The following DDX4 variants were observed in gnomAD, a reference collection of about 807,000 sequenced individuals.
DDX4 encodes DEAD-box helicase 4, also known as probable ATP-dependent RNA helicase DDX4.
DDX4 carries 25 observed loss-of-function variants against 100.0 expected under a neutral mutation model. The ratio of observed to expected loss-of-function variants is 0.25; its 90% CI spans 0.18 to 0.35. The LOEUF (loss-of-function observed/expected upper bound fraction) is 0.35, where lower values mean the gene tolerates loss of function less well. Ranked by LOEUF, DDX4 falls within the 10% of genes least tolerant of loss-of-function variation. The pLI is 1.00. For synonymous variants in DDX4, 259 were observed against 275.7 expected (o/e 0.94, Z 0.60); for missense variants, 635 against 882.4 (o/e 0.72, Z 3.55).
chr5:55,773,681 C>T (rs1443985294), intron 7 of DDX4, among the ~76,000 whole-genome samples: 1 of 151,942 alleles, frequency 6.6e-6, no homozygotes, highest in African/African-American at 2.4e-5. Context: ...CTGGAGGGCT[C>T]TGTCACAATT....
chr5:55,789,741 A>T (rs1387151681), intron 15 of DDX4, among the ~76,000 whole-genome samples: 13 of 152,150 alleles, frequency 8.5e-5, no homozygotes, highest in Non-Finnish European at 1.8e-4. Context: ...GAAACACGGG[A>T]TTCTTCTGAA....
chr5:55,791,489 A>G (rs1054036526), intron 16 of DDX4, among the ~76,000 whole-genome samples: 2 of 152,216 alleles, frequency 1.3e-5, no homozygotes, highest in Admixed American at 6.5e-5. Flanking sequence ...TGTTTATAGT[A>G]AAAGATGTTC....
At chr5:55,795,200 G>C (rs185635593) in intron 17 of DDX4, among the ~76,000 whole-genome samples, 13,847 of 152,054 alleles carry the variant, frequency 0.091, 919 homozygotes, top group African/African-American at 0.18. Flanking sequence ...CCTGACCTCA[G>C]CTGATCCGTC....
chr5:55,813,238 G>A (rs1231960395), intron 18 of DDX4, among the ~76,000 whole-genome samples: 2 of 152,108 alleles, frequency 1.3e-5, no homozygotes, highest in African/African-American at 4.8e-5. Context: ...GCAGCCCCAG[G>A]TCAGATGCCA....
At chr5:55,801,052 T>TA (rs1305225703) in intron 18 of DDX4, among the ~76,000 whole-genome samples, 2 of 152,072 alleles carry the variant, frequency 1.3e-5, no homozygotes, top group Non-Finnish European at 2.9e-5. Context: ...AAGGAACCAG[T>TA]AAGATGTTAC....
At chr5:55,742,235 G>A (rs770795667) in intron 2 of DDX4, 2 of 456,286 alleles carry the variant, frequency 4.4e-6, no homozygotes, top group South Asian at 3.1e-5. Flanking sequence ...TGGGGTGAGT[G>A]TTAGAATGGA....
intron 2 of DDX4, 122 bp from the exon 3 acceptor site, chr5:55,746,042 C>A: frequency 1.4e-6 from 1 of 717,490 alleles, no homozygotes; most frequent in Non-Finnish European, 2.3e-6. Context: ...GAAAACCTTA[C>A]AGTCTATCAT....
At chr5:55,788,934 G>C (rs1164504087) in intron 15 of DDX4, among the ~76,000 whole-genome samples, 2 of 152,000 alleles carry the variant, frequency 1.3e-5, no homozygotes, top group African/African-American at 4.8e-5. Flanking sequence ...AGGTGCAGTG[G>C]TGCACCCCTG....
At chr5:55,766,201 A>G (rs1287963106) in intron 6 of DDX4, among the ~76,000 whole-genome samples, 1 of 151,906 alleles carries the variant, frequency 6.6e-6, no homozygotes, top group African/African-American at 2.4e-5. Flanking sequence ...TTTATTTCCT[A>G]ACTGTATAGA....
intron 18 of DDX4, among the ~76,000 whole-genome samples, chr5:55,812,811 C>T (rs1744192543): frequency 6.6e-6 from 1 of 151,742 alleles, no homozygotes; most frequent in South Asian, 2.1e-4. Context: ...CTTTTTAGTA[C>T]TAAATGCGTA....
At chr5:55,776,006 AGCTACTT>A (rs889852226) in intron 7 of DDX4, among the ~76,000 whole-genome samples, 11 of 152,158 alleles carry the variant, frequency 7.2e-5, no homozygotes, top group Admixed American at 5.9e-4. Flanking sequence ...CTGTAGTCCC[AGCTACTT>A]GGAGTCTGAG....
intron 4 of DDX4, among the ~76,000 whole-genome samples, chr5:55,760,975 T>C (rs777404079): frequency 6.6e-6 from 1 of 152,190 alleles, no homozygotes; most frequent in Non-Finnish European, 1.5e-5. Context: ...TTGACACTTA[T>C]TCTTGAATTT....
chr5:55,776,330 A>G (rs1240766240), intron 7 of DDX4, among the ~76,000 whole-genome samples: 4 of 152,190 alleles, frequency 2.6e-5, no homozygotes, highest in African/African-American at 7.2e-5. Context: ...GTGGTTCAAC[A>G]TATGACTGTC....
chr5:55,778,520 A>G (rs1002587843), intron 7 of DDX4, among the ~76,000 whole-genome samples: 1 of 152,242 alleles, frequency 6.6e-6, no homozygotes, highest in Non-Finnish European at 1.5e-5. Context: ...ACATAAATGA[A>G]ATAGAAACAG....
chr5:55,749,964 C>T (rs551101904), intron 3 of DDX4, among the ~76,000 whole-genome samples: 1 of 149,062 alleles, frequency 6.7e-6, no homozygotes, highest in Admixed American at 6.8e-5. Context: ...AGAGAATCCA[C>T]AGTTCAGTTT....
At chr5:55,811,741 C>G (rs1744132979) in intron 18 of DDX4, among the ~76,000 whole-genome samples, 1 of 152,160 alleles carries the variant, frequency 6.6e-6, no homozygotes, top group South Asian at 2.1e-4. Flanking sequence ...AGATGTCATA[C>G]ACAAGCATTG....
At position 55,779,571 on chromosome 5, in the gene DDX4, G is replaced by C. The variant is rs1403190990; in HGVS notation, c.395-393G>C. On this transcript the variant is annotated intron_variant, in intron 7 of 21. Coordinates refer to ENST00000505374, the MANE Select transcript of DDX4 (RefSeq NM_024415.3). ...AGACTTTATATGTGCCTGCATGTCT[G>C]TGCTTTGAGTAAGATGTTTACTATA... Among the ~76,000 whole-genome samples, 7 of 152,294 alleles carry C rather than the reference G, an allele frequency of 4.6e-5. No individual in the cohort carries two copies. The South Asian group carries it at 1.5e-3, about 32-fold the overall frequency.
At chr5:55,803,085 C>A (rs1405416582) in intron 18 of DDX4, among the ~76,000 whole-genome samples, 1 of 149,928 alleles carries the variant, frequency 6.7e-6, no homozygotes, top group Non-Finnish European at 1.5e-5. Flanking sequence ...TCTCCTAATG[C>A]CATCCCTCCC....
chr5:55,777,754 A>G (rs1741656575), intron 7 of DDX4, among the ~76,000 whole-genome samples: 2 of 152,226 alleles, frequency 1.3e-5, no homozygotes. Flanking sequence ...CTTAAAAGTA[A>G]AGAGAAAAAA....
Sources: allele counts gnomAD v4.1 joint callset (sites outside exome capture counted in the v4.1 genomes callset), GRCh38; gene constraint gnomAD v4.1.1; transcripts MANE v1.5; gene names NCBI Gene and HGNC (gene_info 2026-07-23, HGNC 2026-07-21).